The following WNK1 variants were observed in gnomAD, a reference collection of about 807,000 sequenced individuals.
The protein encoded by WNK1 is WNK lysine deficient protein kinase 1.
WNK1 carries 38 observed loss-of-function variants against 222.8 expected under a neutral mutation model. The ratio of observed to expected loss-of-function variants is 0.17; its 90% CI spans 0.13 to 0.22. The LOEUF (loss-of-function observed/expected upper bound fraction) is 0.22, where lower values mean the gene tolerates loss of function less well. Among genes scored for constraint, WNK1 ranks in the 10% least tolerant of loss-of-function variants. The probability of loss-of-function intolerance (pLI) is 1.00; values close to 1 mark genes in which losing one functional copy is unlikely to be tolerated. For missense variants in WNK1, 2,348 were observed against 2,918.4 expected (o/e 0.80, Z 4.50); for synonymous variants, 1,090 against 1,092.9 (o/e 1.00, Z 0.05).
intron 10 of WNK1, 22 bp downstream of exon 10, chr12:878,383 A>G (rs751906007): frequency 1.8e-6 from 2 of 1,102,686 alleles, no homozygotes; most frequent in African/African-American, 3.3e-5. Context: ...TTTTTTTTTT[A>G]AACAGGTAAA....
In WNK1 at chr12:865,142, T is replaced by C. The variant is rs72649808; in HGVS notation, c.2139+2872T>C. On this transcript the variant is annotated intron_variant, in intron 8 of 27. Transcript: ENST00000315939. ...GTGGCCGTAGCATGTCGGTTTGTGT[T>C]CCCATCTTTCTGCTGTTGCCTCTGT... The C allele has an allele frequency of 9.2e-4, 1,407 of 1,532,002 alleles. 8 individuals carry two copies. Among genetic ancestry groups the C allele is most frequent in the African/African-American group, 8.0e-3 (585 of 72,984 alleles). The allele number at this position is 1,532,002 out of a possible 1,614,324, so 94.9% of individuals were successfully genotyped here. A position where few individuals can be genotyped will look rare whatever the true frequency, so the allele number is the denominator to read the frequency against.
intron 1 of WNK1, among the ~76,000 whole-genome samples, chr12:787,677 T>C (rs993588680): frequency 1.3e-5 from 2 of 152,192 alleles, no homozygotes; most frequent in African/African-American, 4.8e-5. Context: ...TCTTACACAC[T>C]TTAATGTATG....
At chr12:851,322 A>G (rs914757930) in intron 4 of WNK1, 1 of 982,272 alleles carries the variant, frequency 1.0e-6, no homozygotes, top group South Asian at 4.6e-5. Flanking sequence ...CATAGAGTTA[A>G]GCATCCAAGA....
intron 1 of WNK1, among the ~76,000 whole-genome samples, chr12:809,502 G>C (rs113192507): frequency 0.012 from 1,838 of 152,132 alleles, 38 homozygotes; most frequent in African/African-American, 0.038. Context: ...CTGTAGATTT[G>C]GCCACATAAA....
chr12:851,562 C>T (rs1248648580), intron 4 of WNK1: 1 of 1,183,740 alleles, frequency 8.4e-7, no homozygotes, highest in East Asian at 5.8e-5. Flanking sequence ...GGAAGCATGG[C>T]TAGTGTTAAA....
chr12:900,574 C>G lies in WNK1; in HGVS notation c.6547C>G (p.Gln2183Glu), dbSNP rs751969478. The G allele has an allele frequency of 1.9e-6, 3 of 1,614,136 alleles. No homozygotes were observed. Among genetic ancestry groups the G allele is most frequent in the African/African-American group, 1.3e-5 (1 of 74,940 alleles). The change falls in exon 26 of 28, where the codon CAG becomes GAG. Residue 2183 changes from glutamine (Q) to glutamate (E), a missense_variant. By Grantham distance (29) the Gln-to-Glu change is conservative. Around this residue, in one of 13 missense-constraint regions of WNK1, gnomAD observed 1,144 missense variants for 1,273.6 expected, o/e 0.90. Transcript: ENST00000315939. ...IPESGQNQLL[Q>E]PLKPSPSSDN... The stretch of plus-strand genomic sequence containing the variant: ...AGAGTCCGGGCAGAATCAGCTGTTA[C>G]AGCCCCTTAAGCCATCTCCCTCCAG...
chr12:886,140 A>T, intron 19 of WNK1, 56 bp downstream of exon 19: 1 of 1,428,310 alleles, frequency 7.0e-7, no homozygotes, highest in Non-Finnish European at 9.5e-7. Flanking sequence ...TTTTCTCCCT[A>T]ATGAGTACAT....
chr12:814,136 C>G (rs1947134609), intron 2 of WNK1, among the ~76,000 whole-genome samples: 1 of 149,206 alleles, frequency 6.7e-6, no homozygotes, highest in African/African-American at 2.6e-5. Context: ...CGAGACCAGC[C>G]TGGCCAACGT....
At chr12:881,599 G>T in intron 12 of WNK1, 93 bp from the exon 13 acceptor site, 1 of 979,448 alleles carries the variant, frequency 1.0e-6, no homozygotes, top group East Asian at 2.4e-5. Flanking sequence ...GGACGTAGTG[G>T]GGAGGGATAA....
At chr12:900,332 A>C in intron 25 of WNK1, 144 bp from the exon 26 acceptor site, 1 of 837,274 alleles carries the variant, frequency 1.2e-6, no homozygotes, top group Non-Finnish European at 2.0e-6. Context: ...CCCGTTAGTG[A>C]GGACTTTGTT....
chr12:830,476 A>C (rs543304210), intron 4 of WNK1, among the ~76,000 whole-genome samples: 1 of 152,210 alleles, frequency 6.6e-6, no homozygotes, highest in Non-Finnish European at 1.5e-5. Context: ...GTCTCCCACC[A>C]CATAGGTCAG....
At chr12:839,471 G>A (rs968259460) in intron 4 of WNK1, among the ~76,000 whole-genome samples, 1 of 152,148 alleles carries the variant, frequency 6.6e-6, no homozygotes, top group Non-Finnish European at 1.5e-5. Context: ...CTGAAATAAG[G>A]AGTTGTAAGA....
At chr12:779,192 A>AT (rs962284816) in intron 1 of WNK1, among the ~76,000 whole-genome samples, 19 of 152,294 alleles carry the variant, frequency 1.2e-4, no homozygotes, top group African/African-American at 3.8e-4. Flanking sequence ...ACTCATTTTC[A>AT]TAAAATTTTA....
chr12:898,511 T>C (rs1325999026), intron 25 of WNK1, among the ~76,000 whole-genome samples: 1 of 151,404 alleles, frequency 6.6e-6, no homozygotes, highest in African/African-American at 2.4e-5. Context: ...AAGAACTTGC[T>C]AGTCATTAAA....
chr12:875,581 T>C (rs561111910), intron 9 of WNK1, among the ~76,000 whole-genome samples: 4 of 152,304 alleles, frequency 2.6e-5, no homozygotes, highest in Admixed American at 2.6e-4. Flanking sequence ...AAGATCTCTT[T>C]AAGATGTCAA....
At position 861,042 on chromosome 12, in the gene WNK1, T is replaced by C. The variant is rs1228444947; in HGVS notation, c.1650T>C (p.Asp550=). The change falls in exon 7 of 28, where the codon GAT becomes GAC. Residue 550 remains aspartate, a synonymous_variant. Transcript: ENST00000315939. ...MVESGYVCEG[D]HKTMAKAIKD... is the part of the protein sequence containing the mutation. ...AGTCTGGGTATGTCTGTGAAGGTGA[T>C]CACAAGACCATGGCTAAAGCTATCA... 6.2e-7 allele frequency: 1 copy of C among 1,613,416 alleles called. No individual in the cohort carries two copies. Among genetic ancestry groups the C allele is most frequent in the Non-Finnish European group, 8.5e-7 (1 of 1,179,918 alleles).
chr12:771,547 G>A (rs1942500255), intron 1 of WNK1, among the ~76,000 whole-genome samples: 1 of 152,070 alleles, frequency 6.6e-6, no homozygotes, highest in South Asian at 2.1e-4. Context: ...CGATTCTCCT[G>A]ACCCAGCCTC....
In WNK1 at chr12:884,634, T is replaced by C; in HGVS notation, c.3845-15T>C. On this transcript the variant is annotated splice_polypyrimidine_tract_variant and intron_variant, in intron 18 of 27. Coordinates refer to ENST00000315939, the MANE Select transcript of WNK1 (RefSeq NM_018979.4). The surrounding 1 kb of genome is among the most constrained non-coding windows in gnomAD (Gnocchi z 5.6). ...TAAAATCAGCTGATTCTTATCTTTT[T>C]GTATTCCTTTGCAGTTGCTGCCTCT... is the stretch of plus-strand genomic sequence containing the variant. 6.2e-7 allele frequency: 1 copy of C among 1,611,006 alleles called. No individual in the cohort carries two copies. Among genetic ancestry groups the C allele is most frequent in the Non-Finnish European group, 8.5e-7 (1 of 1,177,108 alleles).
At chr12:767,873 C>T (rs1205585984) in intron 1 of WNK1, among the ~76,000 whole-genome samples, 1 of 152,110 alleles carries the variant, frequency 6.6e-6, no homozygotes, top group Non-Finnish European at 1.5e-5. Context: ...TATCAGGTCA[C>T]ACATGGAATC....
Sources: allele counts gnomAD v4.1 joint callset (sites outside exome capture counted in the v4.1 genomes callset), GRCh38; gene constraint gnomAD v4.1.1; regional missense constraint gnomAD v4.1.1; non-coding constraint Gnocchi (gnomAD v3.1); transcripts MANE v1.5; gene names NCBI Gene and HGNC (gene_info 2026-07-23, HGNC 2026-07-21).